DTNA: variants seen among roughly 807,000 people sequenced by gnomAD.
DTNA encodes the protein dystrophin-related protein 3.
Under a neutral mutation model 100.7 loss-of-function variants are expected in DTNA, and 43 were observed. The ratio of observed to expected loss-of-function variants is 0.43; its 90% CI spans 0.33 to 0.55. DTNA has a LOEUF of 0.55. Among genes scored for constraint, DTNA ranks in the 20% least tolerant of loss-of-function variants. The probability of loss-of-function intolerance (pLI) is 0.04; values close to 1 mark genes in which losing one functional copy is unlikely to be tolerated. For synonymous variants in DTNA, 349 were observed against 347.9 expected (o/e 1.00, Z -0.04); for missense variants, 798 against 953.9 (o/e 0.84, Z 2.15).
intron 1 of DTNA, among the ~76,000 whole-genome samples, chr18:34,714,561 A>G (rs1600681405): frequency 2.7e-5 from 4 of 148,934 alleles, no homozygotes; most frequent in East Asian, 2.0e-4. Flanking sequence ...TTAGAATGGC[A>G]ATCATTAAAA....
At chr18:34,755,145 A>G (rs1443392419) in intron 1 of DTNA, among the ~76,000 whole-genome samples, 2 of 152,244 alleles carry the variant, frequency 1.3e-5, no homozygotes, top group Non-Finnish European at 2.9e-5. Flanking sequence ...AATTAGATGC[A>G]ATAAAAAGTC....
chr18:34,714,027 A>G (rs1600670167), intron 1 of DTNA, among the ~76,000 whole-genome samples: 2 of 151,456 alleles, frequency 1.3e-5, no homozygotes, highest in African/African-American at 2.4e-5. Flanking sequence ...CTGGCTAGCC[A>G]TATGTAGAAA....
Position 34,887,833 on chromosome 18 carries a change from A to G in DTNA, c.*99A>G, listed in dbSNP as rs1339570030. The G allele has an allele frequency of 1.1e-5, 11 of 986,072 alleles. No homozygotes were observed. The highest frequency in any genetic ancestry group is 9.4e-5 in the South Asian group (2 of 21,310). 61.1% of individuals were successfully genotyped at this position (986,072 alleles called of 1,614,324 possible). A position where few individuals can be genotyped will look rare whatever the true frequency, so the allele number is the denominator to read the frequency against. The stretch of plus-strand genomic sequence containing the variant: ...GGTGATGATGGAGAGCCCTGTGGCC[A>G]CACAGAGGAGGAAGACAGCAGCCTG... On this transcript the variant is annotated 3_prime_UTR_variant, in exon 23 of 23. Coordinates refer to ENST00000444659, the MANE Select transcript of DTNA (RefSeq NM_001386795.1).
intron 6 of DTNA, among the ~76,000 whole-genome samples, chr18:34,813,722 A>G (rs949991847): frequency 7.9e-5 from 12 of 151,716 alleles, no homozygotes; most frequent in Admixed American, 2.6e-4. Flanking sequence ...GCATGGTGGC[A>G]GGCACCTGTA....
In DTNA at chr18:34,888,439, C is replaced by T. The variant is rs2096941400; in HGVS notation, c.*705C>T. ...GAGCAGTGACTTGAACCAAACACACCAGGAATAATCCATTCTTTGGGGCCT... is the reference window on the plus strand; with the variant it reads ...GAGCAGTGACTTGAACCAAACACACTAGGAATAATCCATTCTTTGGGGCCT... On this transcript the variant is annotated 3_prime_UTR_variant, in exon 23 of 23. Coordinates refer to ENST00000444659, the MANE Select transcript of DTNA (RefSeq NM_001386795.1). 1 of 985,686 alleles carries T rather than the reference C, an allele frequency of 1.0e-6. No homozygotes were observed. The highest frequency in any genetic ancestry group is 6.2e-5 in the Admixed American group (1 of 16,258). The allele number at this position is 985,686 out of a possible 1,614,324, so 61.1% of individuals were successfully genotyped here. A position where few individuals can be genotyped will look rare whatever the true frequency, so the allele number is the denominator to read the frequency against.
intron 1 of DTNA, among the ~76,000 whole-genome samples, chr18:34,702,277 T>G (rs890701226): frequency 1.8e-4 from 28 of 152,180 alleles, no homozygotes; most frequent in Admixed American, 2.0e-4. Flanking sequence ...AGATGTGACA[T>G]TCTATCCTCA....
intron 1 of DTNA, among the ~76,000 whole-genome samples, chr18:34,703,077 G>C (rs1046225917): frequency 1.3e-5 from 2 of 152,130 alleles, no homozygotes; most frequent in East Asian, 3.9e-4. Flanking sequence ...CTTTACATAT[G>C]GTTGCTACAG....
intron 1 of DTNA, among the ~76,000 whole-genome samples, chr18:34,696,714 C>T (rs1420513696): frequency 6.6e-6 from 1 of 152,052 alleles, no homozygotes; most frequent in African/African-American, 2.4e-5. Flanking sequence ...TACAGCTGTA[C>T]GAGATAGACA....
chr18:34,599,199 G>A (rs903050622), intron 1 of DTNA, among the ~76,000 whole-genome samples: 28 of 152,160 alleles, frequency 1.8e-4, no homozygotes, highest in Admixed American at 1.5e-3. Flanking sequence ...GCTTCAGAAT[G>A]TATCTTCAGA....
In DTNA at chr18:34,794,172, G is replaced by A. The variant is rs2094870463; in HGVS notation, c.284G>A (p.Arg95Gln). The change falls in exon 4 of 23, where the codon CGG (arginine) becomes CAG (glutamine). Residue 95 changes from arginine to glutamine, a missense_variant. This residue lies in a region of DTNA where 197 missense variants were observed against 215.4 expected (regional missense o/e 0.91). Coordinates refer to ENST00000444659, the MANE Select transcript of DTNA (RefSeq NM_001386795.1). ...ACTATTTTTTACCAGCTCAACAAACGGATGCCAACCACTCACCAAATCCAT... is the reference window on the plus strand; with the variant it reads ...ACTATTTTTTACCAGCTCAACAAACAGATGCCAACCACTCACCAAATCCAT... Reference protein sequence around the residue: ...LSTIFYQLNKRMPTTHQIHVE... With the variant: ...LSTIFYQLNKQMPTTHQIHVE... 1.1e-5 allele frequency: 18 copies of A among 1,614,078 alleles called. No homozygotes were observed. Among genetic ancestry groups the A allele is most frequent in the South Asian group, 3.3e-5 (3 of 91,082 alleles).
chr18:34,747,120 A>ATATATATATATATG (rs1491208815), intron 1 of DTNA, among the ~76,000 whole-genome samples: 1 of 132,686 alleles, frequency 7.5e-6, no homozygotes, highest in East Asian at 2.3e-4. Context: ...ATATATATAT[A>ATATATATATATATG]TGTTTATGTA....
intron 16 of DTNA, among the ~76,000 whole-genome samples, 155 bp from the exon 17 acceptor site, chr18:34,863,811 T>C (rs2096660460): frequency 6.6e-6 from 1 of 152,222 alleles, no homozygotes; most frequent in African/African-American, 2.4e-5. Flanking sequence ...CCAGCTGTAA[T>C]TGTTCATTCA....
rs1268263944 is a variant in DTNA, at chr18:34,841,555, T to A, written c.1346+2718T>A. Among the ~76,000 whole-genome samples the A allele has an allele frequency of 2.6e-5, 4 of 152,298 alleles. No individual in the cohort carries two copies. In the East Asian group the frequency reaches 7.7e-4, roughly 29 times the overall value. On this transcript the variant is annotated intron_variant, in intron 13 of 22. Coordinates refer to ENST00000444659, the MANE Select transcript of DTNA (RefSeq NM_001386795.1). ...GGAGTAAGAATAATAAATTTTGTAT[T>A]TATGAAATGCTCCAAAAATTACAAA...
At chr18:34,713,613 C>A (rs1475528290) in intron 1 of DTNA, among the ~76,000 whole-genome samples, 1 of 151,358 alleles carries the variant, frequency 6.6e-6, no homozygotes, top group Non-Finnish European at 1.5e-5. Context: ...CTTGGCGATG[C>A]GGGCTCTTTT....
At chr18:34,778,762 A>G (rs760357857) in intron 3 of DTNA, among the ~76,000 whole-genome samples, 9 of 152,002 alleles carry the variant, frequency 5.9e-5, no homozygotes, top group Non-Finnish European at 1.2e-4. Flanking sequence ...AAACAACCCT[A>G]TTTGTCAATG....
At chr18:34,600,238 C>G (rs569797964) in intron 1 of DTNA, among the ~76,000 whole-genome samples, 1 of 152,004 alleles carries the variant, frequency 6.6e-6, no homozygotes, top group South Asian at 2.1e-4. Context: ...TTAATTAAAT[C>G]TTAATATAAA....
At chr18:34,701,957 TTA>T (rs1051205367) in intron 1 of DTNA, among the ~76,000 whole-genome samples, 8 of 152,312 alleles carry the variant, frequency 5.3e-5, no homozygotes, top group Admixed American at 5.2e-4. Context: ...AGACAGAGTG[TTA>T]TTTTAAAAAC....
intron 1 of DTNA, among the ~76,000 whole-genome samples, chr18:34,653,851 A>G (rs946992593): frequency 2.0e-5 from 3 of 152,100 alleles, no homozygotes; most frequent in Non-Finnish European, 4.4e-5. Flanking sequence ...AACAAAAAAT[A>G]CCACTGAGGA....
At chr18:34,499,287 T>C (rs78079242) in intron 1 of DTNA, among the ~76,000 whole-genome samples, 5,546 of 152,280 alleles carry the variant, frequency 0.036, 320 homozygotes, top group African/African-American at 0.12. Flanking sequence ...TTCTGGAGAT[T>C]TATCTAGGTT....
Sources: allele counts gnomAD v4.1 joint callset (sites outside exome capture counted in the v4.1 genomes callset), GRCh38; gene constraint gnomAD v4.1.1; regional missense constraint gnomAD v4.1.1; transcripts MANE v1.5; gene names NCBI Gene and HGNC (gene_info 2026-07-23, HGNC 2026-07-21).